Variants in IL2 observed in about 807,000 individuals in gnomAD.
IL2 encodes interleukin-2.
A neutral mutation model predicts 14.6 loss-of-function variants in IL2; 3 were observed. The observed-to-expected ratio is 0.21, with a 90% CI of 0.09 to 0.53. The LOEUF (loss-of-function observed/expected upper bound fraction) is 0.53, where lower values mean the gene tolerates loss of function less well. Among genes scored for constraint, IL2 ranks in the 20% least tolerant of loss-of-function variants. The pLI, the probability that IL2 is intolerant of heterozygous loss-of-function variation, is 0.95. For synonymous variants in IL2, 71 were observed against 60.0 expected, an observed-to-expected ratio of 1.18 and a Z score of -0.85; for missense variants, 125 against 170.8, an observed-to-expected ratio of 0.73 and a Z score of 1.50.
chr4:122,452,067 G>A (rs1797682005), intron 3 of IL2, among the ~76,000 whole-genome samples: 1 of 152,138 alleles, frequency 6.6e-6, no homozygotes, highest in South Asian at 2.1e-4. Context: ...CACAGAAGCT[G>A]AGATTTTCCT....
chr4:122,453,870 C>A lies in IL2; in HGVS notation c.208-17G>T. On this transcript the variant is annotated splice_polypyrimidine_tract_variant and intron_variant, in intron 2 of 3. Transcript: ENST00000226730. ...TTCTGTGGCCTAGAATAATAATTAT[C>A]ATCAGCTCAGTTTACATAGAGGTCA... is the stretch of plus-strand genomic sequence containing the variant. The A allele has an allele frequency of 6.3e-7, 1 of 1,596,818 alleles. No individual in the cohort carries two copies. The highest frequency in any genetic ancestry group is 8.5e-7 in the Non-Finnish European group (1 of 1,172,794).
chr4:122,451,867 A>G lies in IL2; in HGVS notation c.352-5T>C. On this transcript the variant is annotated splice_region_variant and splice_polypyrimidine_tract_variant and intron_variant, in intron 3 of 3. Transcript: ENST00000226730. ...CATGAATGTTGTTTCAGATCCCTATAAAAGAAAAATGTTAATTTTTTAAAG... is the reference window on the plus strand; with the variant it reads ...CATGAATGTTGTTTCAGATCCCTATGAAAGAAAAATGTTAATTTTTTAAAG... 6 of 1,506,398 alleles carry G rather than the reference A, an allele frequency of 4.0e-6. No homozygotes were observed. The highest frequency in any genetic ancestry group is 1.8e-4 in the Middle Eastern group (1 of 5,708). 93.3% of individuals were successfully genotyped at this position (1,506,398 alleles called of 1,614,324 possible). A position where few individuals can be genotyped will look rare whatever the true frequency, so the allele number is the denominator to read the frequency against.
At chr4:122,455,465 A>C (rs1186129549) in intron 2 of IL2, among the ~76,000 whole-genome samples, 1 of 151,962 alleles carries the variant, frequency 6.6e-6, no homozygotes, top group Non-Finnish European at 1.5e-5. Flanking sequence ...TGTATTTCTC[A>C]GTGAAAATTT....
chr4:122,452,943 T>C lies in IL2; in HGVS notation c.351+767A>G, dbSNP rs1158962725. ...TGTCAATGTCTAGATGACATTGATC[T>C]CAATGTATTTTTTTAATTCAACTGA... On this transcript the variant is annotated intron_variant, in intron 3 of 3. Coordinates refer to ENST00000226730, the MANE Select transcript of IL2 (RefSeq NM_000586.4). Among the ~76,000 whole-genome samples the C allele has an allele frequency of 2.0e-5, 3 of 152,074 alleles. No individual in the cohort carries two copies. The East Asian group carries it at 5.8e-4, about 29-fold the overall frequency.
At chr4:122,456,089 C>T in intron 2 of IL2, 55 bp downstream of exon 2, 2 of 1,325,072 alleles carry the variant, frequency 1.5e-6, no homozygotes, top group African/African-American at 2.9e-5. Flanking sequence ...TGCAAATTTT[C>T]ATATTACTTT....
intron 3 of IL2, 112 bp downstream of exon 3, chr4:122,453,598 A>G: frequency 1.3e-6 from 1 of 791,930 alleles, no homozygotes; most frequent in South Asian, 1.8e-5. Context: ...GGCTAATTAC[A>G]TGCATGGGTA....
In IL2 at chr4:122,451,833, A is replaced by G. The variant is rs770442564; in HGVS notation, c.381T>C (p.Tyr127=). Residue 127 remains tyrosine, a synonymous_variant, in exon 4 of 4, where the codon TAT becomes TAC. Transcript: ENST00000226730. Reference sequence around the variant, plus strand: ...CTACAATGGTTGCTGTCTCATCAGCATATTCACACATGAATGTTGTTTCAG... The same window carrying G: ...CTACAATGGTTGCTGTCTCATCAGCGTATTCACACATGAATGTTGTTTCAG... ...KGSETTFMCE[Y]ADETATIVEF... is the part of the protein sequence containing the mutation. 3 of 1,588,002 alleles carry G rather than the reference A, an allele frequency of 1.9e-6. No homozygotes were observed. The highest frequency in any genetic ancestry group is 2.6e-6 in the Non-Finnish European group (3 of 1,164,578).
At chr4:122,452,316 A>G (rs752951650) in intron 3 of IL2, among the ~76,000 whole-genome samples, 1 of 152,002 alleles carries the variant, frequency 6.6e-6, no homozygotes, top group Non-Finnish European at 1.5e-5. Context: ...ACTTAAGTGA[A>G]TCTCCTTATA....
Position 122,456,152 on chromosome 4 carries a change from G to A in IL2, c.199C>T (p.Pro67Ser). The A allele has an allele frequency of 1.3e-6, 2 of 1,599,608 alleles. No individual in the cohort carries two copies. Among genetic ancestry groups the A allele is most frequent in the Non-Finnish European group, 1.7e-6 (2 of 1,168,278 alleles). ...TRMLTFKFYMPKKATELKHLQ... is the reference protein window; with the variant it reads ...TRMLTFKFYMSKKATELKHLQ... Reference sequence around the variant, plus strand: ...TAAAATATTGTACTTACCTTCTTGGGCATGTAAAACTTAAATGTGAGCATC... The same window carrying A: ...TAAAATATTGTACTTACCTTCTTGGACATGTAAAACTTAAATGTGAGCATC... Residue 67 changes from proline (P) to serine (S), a missense_variant, in exon 2 of 4, where the codon CCC becomes TCC. Pro to Ser is a moderately conservative substitution (Grantham distance 74, BLOSUM62 -1). Transcript: ENST00000226730.
In IL2 at chr4:122,451,725, A is replaced by G. The variant is rs200621841; in HGVS notation, c.*27T>C. The stretch of plus-strand genomic sequence containing the variant: ...TATTTAAATAAATAGAAGGCCTGAT[A>G]TGTTTTAAGTGGGAAGCACTTAATT... On this transcript the variant is annotated 3_prime_UTR_variant, in exon 4 of 4. Coordinates refer to ENST00000226730, the MANE Select transcript of IL2 (RefSeq NM_000586.4). The G allele has an allele frequency of 3.0e-4, 275 of 924,086 alleles. 1 individual carries two copies. The African/African-American group carries it at 4.0e-3, about 14-fold the overall frequency. The allele number at this position is 924,086 out of a possible 1,614,324, so 57.2% of individuals were successfully genotyped here.
At chr4:122,453,536 T>A (rs1797697404) in intron 3 of IL2, among the ~76,000 whole-genome samples, 174 bp downstream of exon 3, 1 of 151,910 alleles carries the variant, frequency 6.6e-6, no homozygotes, top group South Asian at 2.1e-4. Context: ...TACTCCCCAG[T>A]TAATCATTTA....
At position 122,451,532 on chromosome 4, in the gene IL2, C is replaced by T; in HGVS notation, c.*220G>A. The T allele has an allele frequency of 3.7e-6, 1 of 271,998 alleles. No individual in the cohort carries two copies. The allele number at this position is 271,998 out of a possible 1,614,324, so 16.8% of individuals were successfully genotyped here. A position where few individuals can be genotyped will look rare whatever the true frequency, so the allele number is the denominator to read the frequency against. Reference sequence around the variant, plus strand: ...CAATCTACATAGATACTATATTTAACATTCAACATAATAATAAATATTTTG... The same window carrying T: ...CAATCTACATAGATACTATATTTAATATTCAACATAATAATAAATATTTTG... On this transcript the variant is annotated 3_prime_UTR_variant, in exon 4 of 4. Transcript: ENST00000226730.
At chr4:122,454,772 A>G (rs1403156893) in intron 2 of IL2, among the ~76,000 whole-genome samples, 6 of 151,860 alleles carry the variant, frequency 4.0e-5, no homozygotes, top group Admixed American at 1.3e-4. Context: ...TAAATGTGCA[A>G]TGAGGGTTAA....
rs56180310 is a variant in IL2, at chr4:122,456,125, CAT to C, written c.207+17_207+18del. 4.8e-4 allele frequency: 747 copies of C among 1,548,224 alleles called. 1 individual carries two copies. Among genetic ancestry groups the C allele is most frequent in the Non-Finnish European group, 6.2e-4 (696 of 1,123,998 alleles). ...GAATTTTATTAAAACAGAAATTGAA[CAT>C]AAAATATTGTACTTACCTTCTTGGG... On this transcript the variant is annotated intron_variant, in intron 2 of 3. Transcript: ENST00000226730.
Position 122,451,852 on chromosome 4 carries a change from G to A in IL2, c.362C>T (p.Thr121Ile), listed in dbSNP as rs778851120. Reference sequence around the variant, plus strand: ...ATCAGCATATTCACACATGAATGTTGTTTCAGATCCCTATAAAAGAAAAAT... The same window carrying A: ...ATCAGCATATTCACACATGAATGTTATTTCAGATCCCTATAAAAGAAAAAT... The part of the protein sequence containing the change: ...VIVLELKGSE[T>I]TFMCEYADET... Residue 121 changes from threonine (T) to isoleucine (I), a missense_variant, in exon 4 of 4, where the codon ACA becomes ATA. By Grantham distance (89) the Thr-to-Ile change is moderately conservative. Transcript: ENST00000226730. 6.4e-7 allele frequency: 1 copy of A among 1,561,866 alleles called. No individual in the cohort carries two copies. Among genetic ancestry groups the A allele is most frequent in the East Asian group, 2.3e-5 (1 of 43,408 alleles).
chr4:122,455,299 C>T (rs1399736433), intron 2 of IL2, among the ~76,000 whole-genome samples: 1 of 151,830 alleles, frequency 6.6e-6, no homozygotes, highest in East Asian at 1.9e-4. Flanking sequence ...GGTAGCTTTA[C>T]ACACCTAATG....
At chr4:122,456,107 A>T in intron 2 of IL2, 37 bp downstream of exon 2, 1 of 1,458,470 alleles carries the variant, frequency 6.9e-7, no homozygotes, top group Non-Finnish European at 9.6e-7. Context: ...TTTGAATTTT[A>T]TTAAAACAGA....
intron 3 of IL2, among the ~76,000 whole-genome samples, chr4:122,453,210 A>G (rs1194643233): frequency 6.6e-6 from 1 of 151,840 alleles, no homozygotes; most frequent in Admixed American, 6.6e-5. Context: ...ATTGCCTCTA[A>G]AAAGATTGTT....
At chr4:122,453,256 G>A (rs1271823039) in intron 3 of IL2, among the ~76,000 whole-genome samples, 1 of 146,082 alleles carries the variant, frequency 6.8e-6, no homozygotes, top group African/African-American at 2.5e-5. Context: ...AATGGCTCCA[G>A]TTTTTTTTTT....
Sources: gnomAD v4.1 joint callset for allele counts (sites outside exome capture counted in the v4.1 genomes callset) on GRCh38, gnomAD v4.1.1 for gene constraint, MANE v1.5 for transcripts, NCBI Gene and HGNC (gene_info 2026-07-23, HGNC 2026-07-21) for gene names.